Variants in MEF2A observed in about 807,000 individuals in gnomAD.
The protein encoded by MEF2A is myocyte-specific enhancer factor 2A.
In MEF2A, 28 loss-of-function variants were observed where a neutral mutation model predicts 55.8. The observed-to-expected ratio is 0.50, with a 90% confidence interval of 0.37 to 0.69. The LOEUF is 0.69. Among genes scored for constraint, MEF2A ranks in the 30% least tolerant of loss-of-function variants. The pLI, the probability that MEF2A is intolerant of heterozygous loss-of-function variation, is 0.00. For synonymous variants in MEF2A, 239 were observed against 227.1 expected (o/e 1.05, Z -0.47); for missense variants, 528 against 626.2 (o/e 0.84, Z 1.67).
rs961450921 is a variant in MEF2A at position 99,716,448 on chromosome 15, C to G, written c.*3677C>G. On this transcript the variant is annotated 3_prime_UTR_variant, in exon 12 of 12. Coordinates refer to ENST00000557942, the MANE Select transcript of MEF2A (RefSeq NM_001319206.4). ...AAAGGTTGTTGTAAACTGTTTGTCT[C>G]CCGCACTCACTCCAGTAAAGACGGA... is the stretch of plus-strand genomic sequence containing the variant. The G allele has an allele frequency of 4.4e-6, 2 of 455,462 alleles. No homozygotes were observed. Among genetic ancestry groups the G allele is most frequent in the African/African-American group, 4.0e-5 (2 of 50,040 alleles). The allele number at this position is 455,462 out of a possible 1,614,324, so 28.2% of individuals were successfully genotyped here.
intron 2 of MEF2A, among the ~76,000 whole-genome samples, chr15:99,606,065 C>G (rs1303949356): frequency 1.3e-5 from 2 of 152,042 alleles, no homozygotes; most frequent in Non-Finnish European, 2.9e-5. Context: ...AATAAAGCCA[C>G]AAGGATAAAC....
At chr15:99,689,399 T>C (rs554419342) in intron 7 of MEF2A, among the ~76,000 whole-genome samples, 6 of 152,374 alleles carry the variant, frequency 3.9e-5, no homozygotes, top group African/African-American at 1.2e-4. Flanking sequence ...AGTGAATGAA[T>C]AGGCTGGTCT....
chr15:99,700,970 A>C (rs1331785536), intron 8 of MEF2A, among the ~76,000 whole-genome samples: 1 of 152,246 alleles, frequency 6.6e-6, no homozygotes, highest in African/African-American at 2.4e-5. Flanking sequence ...TAAATGTAGA[A>C]AGAATGAGAG....
At chr15:99,605,237 T>C (rs1974632058) in intron 2 of MEF2A, among the ~76,000 whole-genome samples, 1 of 152,210 alleles carries the variant, frequency 6.6e-6, no homozygotes, top group South Asian at 2.1e-4. Flanking sequence ...TGTGAGCTGC[T>C]GCGTCCTGCC....
At position 99,645,581 on chromosome 15, in the gene MEF2A, G is replaced by C; in HGVS notation, c.75G>C (p.Lys25Asn). 6.2e-7 allele frequency: 1 copy of C among 1,612,980 alleles called. No individual in the cohort carries two copies. The highest frequency in any genetic ancestry group is 8.5e-7 in the Non-Finnish European group (1 of 1,179,460). Reference sequence around the variant, plus strand: ...TTTAGGTCACTTTTACAAAGAGAAAGTTTGGATTAATGAAGAAAGCCTATG... The same window carrying C: ...TTTAGGTCACTTTTACAAAGAGAAACTTTGGATTAATGAAGAAAGCCTATG... ...RNRQVTFTKR[K>N]FGLMKKAYEL... The change falls in exon 4 of 12, where the codon AAG becomes AAC. Residue 25 changes from lysine to asparagine, a missense_variant. Physicochemically the swap from Lys to Asn is moderately conservative, Grantham distance 94. This residue lies in a region of MEF2A where 78 missense variants were observed against 150.9 expected (regional missense o/e 0.52). Transcript: ENST00000557942.
chr15:99,583,905 T>C (rs1420385032), intron 1 of MEF2A, among the ~76,000 whole-genome samples: 3 of 152,100 alleles, frequency 2.0e-5, no homozygotes, highest in Non-Finnish European at 2.9e-5. Flanking sequence ...TTTGTTACTT[T>C]GTGAACATCA....
chr15:99,706,961 C>G (rs1223442530), intron 10 of MEF2A, 106 bp downstream of exon 10: 3 of 1,325,720 alleles, frequency 2.3e-6, no homozygotes, highest in Non-Finnish European at 3.0e-6. Context: ...TAAACTATTT[C>G]CAGTTTTTTA....
intron 4 of MEF2A, among the ~76,000 whole-genome samples, chr15:99,656,896 A>C (rs1012521893): frequency 2.0e-5 from 3 of 152,092 alleles, no homozygotes; most frequent in African/African-American, 4.8e-5. Context: ...CATGAACGCT[A>C]TCTAATTCTA....
chr15:99,601,552 ATTTTGGCCAAATG>A (rs1433144285), intron 2 of MEF2A, among the ~76,000 whole-genome samples: 1 of 146,980 alleles, frequency 6.8e-6, no homozygotes, highest in East Asian at 2.1e-4. Context: ...TAGGTGTTGA[ATTTTGGCCAAATG>A]TTTTTTCTGC....
At chr15:99,682,769 T>C (rs1462561843) in intron 7 of MEF2A, among the ~76,000 whole-genome samples, 2 of 152,232 alleles carry the variant, frequency 1.3e-5, no homozygotes, top group Admixed American at 1.3e-4. Context: ...TAAAGCACCA[T>C]AGACTGCACA....
In MEF2A at chr15:99,714,321, A is replaced by C. The variant is rs2058947113; in HGVS notation, c.*1550A>C. 1 of 152,258 alleles carries C rather than the reference A, an allele frequency of 6.6e-6. No homozygotes were observed. Among genetic ancestry groups the C allele is most frequent in the African/African-American group, 2.4e-5 (1 of 41,468 alleles). The allele number at this position is 152,258 out of a possible 1,614,324, so 9.4% of individuals were successfully genotyped here. ...ACCTAATTTAATTAATATTAGAGAA[A>C]ATGGCAAAATAGTAGATGAGCACAA... On this transcript the variant is annotated 3_prime_UTR_variant, in exon 12 of 12. Coordinates refer to ENST00000557942, the MANE Select transcript of MEF2A (RefSeq NM_001319206.4).
At chr15:99,681,545 A>G (rs2053247200) in intron 7 of MEF2A, among the ~76,000 whole-genome samples, 5 of 152,216 alleles carry the variant, frequency 3.3e-5, no homozygotes, top group Admixed American at 3.3e-4. Context: ...CTTCATGAAG[A>G]TGCTGAAGTT....
At chr15:99,581,391 T>C (rs1965870951) in intron 1 of MEF2A, among the ~76,000 whole-genome samples, 1 of 151,670 alleles carries the variant, frequency 6.6e-6, no homozygotes, top group Non-Finnish European at 1.5e-5. Flanking sequence ...GTGTCTGTCA[T>C]TGGGACTTCA....
At chr15:99,681,613 G>A (rs983129538) in intron 7 of MEF2A, among the ~76,000 whole-genome samples, 4 of 152,254 alleles carry the variant, frequency 2.6e-5, no homozygotes, top group Admixed American at 2.6e-4. Flanking sequence ...GATAGAGATG[G>A]GGAATACAGT....
At chr15:99,683,834 A>G (rs758047343) in intron 7 of MEF2A, among the ~76,000 whole-genome samples, 36 of 151,898 alleles carry the variant, frequency 2.4e-4, no homozygotes, top group Non-Finnish European at 4.9e-4. Context: ...TGTACCCAAT[A>G]TGTAGTCTTT....
chr15:99,602,698 G>GTGTGTGTA (rs1199857211), intron 2 of MEF2A, among the ~76,000 whole-genome samples: 7 of 89,518 alleles, frequency 7.8e-5, no homozygotes, highest in African/African-American at 3.5e-4. Flanking sequence ...GTGTGTGTGT[G>GTGTGTGTA]TAGGGGTGGG....
chr15:99,696,952 C>T (rs938710691), intron 8 of MEF2A, among the ~76,000 whole-genome samples: 1 of 151,940 alleles, frequency 6.6e-6, no homozygotes, highest in African/African-American at 2.4e-5. Context: ...GATAATACAT[C>T]AAGACCAAGT....
At chr15:99,578,067 G>A (rs1964857475) in intron 1 of MEF2A, among the ~76,000 whole-genome samples, 1 of 152,104 alleles carries the variant, frequency 6.6e-6, no homozygotes, top group South Asian at 2.1e-4. Context: ...TATTTTGGGG[G>A]AGATACTTTG....
intron 8 of MEF2A, among the ~76,000 whole-genome samples, chr15:99,701,061 G>A (rs2057339890): frequency 1.3e-5 from 2 of 152,072 alleles, no homozygotes; most frequent in African/African-American, 4.8e-5. Flanking sequence ...AACATAAGTG[G>A]GCAAAAAGTT....
Sources: gnomAD v4.1 joint callset for allele counts (sites outside exome capture counted in the v4.1 genomes callset) on GRCh38, gnomAD v4.1.1 for gene constraint, gnomAD v4.1.1 regional missense constraint, MANE v1.5 for transcripts, NCBI Gene and HGNC (gene_info 2026-07-23, HGNC 2026-07-21) for gene names.